GNB1L: variants seen among roughly 807,000 people sequenced by gnomAD.
GNB1L encodes the protein G protein subunit beta 1 like, also known as guanine nucleotide-binding protein subunit beta-like protein 1.
GNB1L carries 20 observed loss-of-function variants against 29.1 expected under a neutral mutation model. That is an observed-to-expected ratio of 0.69 (90% CI 0.48 to 1.00). The LOEUF (loss-of-function observed/expected upper bound fraction) is 1.00. Among genes scored for constraint, GNB1L ranks in the 50% least tolerant of loss-of-function variants. The probability of loss-of-function intolerance (pLI) is 0.00; values close to 1 mark genes in which losing one functional copy is unlikely to be tolerated. For missense variants in GNB1L, 421 were observed against 464.9 expected (o/e 0.91, Z 0.87); for synonymous variants, 193 against 206.5 (o/e 0.93, Z 0.56).
intron 2 of GNB1L, chr22:19,851,635 C>G: frequency 6.3e-7 from 1 of 1,593,880 alleles, no homozygotes; most frequent in South Asian, 1.1e-5. Flanking sequence ...TCACCACAGG[C>G]AGCTGAGGGG....
chr22:19,795,680 C>T lies in GNB1L; in HGVS notation c.732+6321G>A, dbSNP rs182848663. ...AGATCAAAGAGAAAATCACAATATT[C>T]TGAACTGAATTAAAATGAAGACACA... On this transcript the variant is annotated intron_variant, in intron 7 of 7. Coordinates refer to ENST00000329517, the MANE Select transcript of GNB1L (RefSeq NM_053004.3). Among the ~76,000 whole-genome samples, 63 of 152,358 alleles carry T rather than the reference C, an allele frequency of 4.1e-4. No individual in the cohort carries two copies. In the East Asian group the frequency reaches 7.5e-3, roughly 18 times the overall value.
chr22:19,832,994 C>A (rs1016025453), intron 2 of GNB1L, among the ~76,000 whole-genome samples: 16 of 152,202 alleles, frequency 1.1e-4, no homozygotes, highest in African/African-American at 3.6e-4. Flanking sequence ...AAAACCACAG[C>A]CCACGGAGGG....
chr22:19,850,813 G>A (rs140361322), intron 2 of GNB1L: 2 of 1,294,110 alleles, frequency 1.5e-6, no homozygotes, highest in African/African-American at 1.5e-5. Flanking sequence ...ACCAAGGGGG[G>A]TGTTTTATGG....
intron 5 of GNB1L, 72 bp from the exon 6 acceptor site, chr22:19,806,829 T>A: frequency 9.2e-7 from 1 of 1,082,868 alleles, no homozygotes; most frequent in Non-Finnish European, 1.4e-6. Flanking sequence ...AAGAGACTCT[T>A]AAGGCGATTA....
At chr22:19,798,189 C>T (rs1412233172) in intron 7 of GNB1L, among the ~76,000 whole-genome samples, 2 of 152,200 alleles carry the variant, frequency 1.3e-5, no homozygotes, top group Non-Finnish European at 2.9e-5. Context: ...AAGTCCAGCA[C>T]CTGCTGCGCA....
chr22:19,852,008 T>C (rs1227191008), intron 2 of GNB1L: 18 of 1,614,058 alleles, frequency 1.1e-5, no homozygotes, highest in East Asian at 2.2e-5. Context: ...GCTGGGCATG[T>C]GCCCAGCTAG....
chr22:19,824,477 G>A (rs969838225), intron 2 of GNB1L, among the ~76,000 whole-genome samples: 2 of 152,226 alleles, frequency 1.3e-5, no homozygotes, highest in Non-Finnish European at 2.9e-5. Context: ...GCTCTTCCAG[G>A]TGTCAAAGTG....
intron 7 of GNB1L, among the ~76,000 whole-genome samples, chr22:19,797,792 G>A (rs761579401): frequency 7.9e-5 from 12 of 152,174 alleles, no homozygotes; most frequent in Non-Finnish European, 1.6e-4. Context: ...GCCTCTCCAG[G>A]GCCCGGGGCC....
chr22:19,825,089 G>A (rs940789183), intron 2 of GNB1L, among the ~76,000 whole-genome samples: 1 of 152,178 alleles, frequency 6.6e-6, no homozygotes, highest in Non-Finnish European at 1.5e-5. Flanking sequence ...GGTCCTCCCT[G>A]TCCCATTGGG....
intron 2 of GNB1L, among the ~76,000 whole-genome samples, chr22:19,852,756 G>A (rs1938139682): frequency 6.6e-6 from 1 of 152,188 alleles, no homozygotes; most frequent in African/African-American, 2.4e-5. Context: ...AGCAATAGTA[G>A]TAACCTTTCA....
intron 7 of GNB1L, among the ~76,000 whole-genome samples, chr22:19,800,067 C>A (rs1171684756): frequency 6.6e-6 from 1 of 152,278 alleles, no homozygotes; most frequent in Non-Finnish European, 1.5e-5. Context: ...GCCACAGCCA[C>A]GCCAACCACT....
chr22:19,840,809 CAA>C (rs146369509), intron 2 of GNB1L, among the ~76,000 whole-genome samples: 8 of 125,742 alleles, frequency 6.4e-5, no homozygotes, highest in Non-Finnish European at 5.1e-5. Flanking sequence ...AACTCCGTCT[CAA>C]AAAAAAAAAA....
At chr22:19,847,197 G>A in intron 2 of GNB1L, 1 of 985,490 alleles carries the variant, frequency 1.0e-6, no homozygotes. Flanking sequence ...GCTGTCGTCA[G>A]CACAGGTCTG....
chr22:19,819,601 A>G (rs1197858051), intron 4 of GNB1L, among the ~76,000 whole-genome samples: 2 of 152,182 alleles, frequency 1.3e-5, no homozygotes, highest in Middle Eastern at 6.3e-3. Flanking sequence ...CTAAGGCCTC[A>G]TGAACCATGG....
At chr22:19,833,320 T>A (rs1358939629) in intron 2 of GNB1L, among the ~76,000 whole-genome samples, 1 of 152,122 alleles carries the variant, frequency 6.6e-6, no homozygotes, top group Admixed American at 6.5e-5. Flanking sequence ...AGCAGAGAAA[T>A]AGAAATTATT....
intron 2 of GNB1L, among the ~76,000 whole-genome samples, chr22:19,827,659 T>G (rs1380138699): frequency 6.6e-6 from 1 of 152,220 alleles, no homozygotes; most frequent in African/African-American, 2.4e-5. Context: ...AATTACACTC[T>G]CAGCAGATTA....
At position 19,841,231 on chromosome 22, in the gene GNB1L, C is replaced by T. The variant is rs896564287; in HGVS notation, c.-21+13212G>A. Among the ~76,000 whole-genome samples the T allele has an allele frequency of 5.3e-5, 8 of 152,344 alleles. No homozygotes were observed. The East Asian group carries it at 1.5e-3, about 29-fold the overall frequency. On this transcript the variant is annotated intron_variant, in intron 2 of 7. Transcript: ENST00000329517. ...GAAATGCGTCCGTGCACAAGGTTCA[C>T]ACTCAACCACTGCTCTTGGCCACAG... is the stretch of plus-strand genomic sequence containing the variant.
intron 5 of GNB1L, 115 bp downstream of exon 5, chr22:19,812,170 G>T (rs2145875468): frequency 1.8e-6 from 2 of 1,110,626 alleles, no homozygotes; most frequent in Non-Finnish European, 1.3e-6. Context: ...GAAGCTGCCG[G>T]CAGGTGGGCG....
intron 3 of GNB1L, 85 bp downstream of exon 3, chr22:19,821,143 C>T (rs1477602671): frequency 7.1e-6 from 10 of 1,402,664 alleles, no homozygotes; most frequent in African/African-American, 5.7e-5. Context: ...GGCCAGCACC[C>T]TCAAACAAGC....
Sources: gnomAD v4.1 joint callset for allele counts (sites outside exome capture counted in the v4.1 genomes callset) on GRCh38, gnomAD v4.1.1 for gene constraint, MANE v1.5 for transcripts, NCBI Gene and HGNC (gene_info 2026-07-23, HGNC 2026-07-21) for gene names.